Variants in LDLRAD4 observed in about 807,000 individuals in gnomAD.
LDLRAD4 encodes low density lipoprotein receptor class A domain containing 4.
A neutral mutation model predicts 17.0 loss-of-function variants in LDLRAD4; 5 were observed. The observed-to-expected ratio is 0.29, with a 90% CI of 0.15 to 0.62. LDLRAD4 has a LOEUF of 0.62. Among genes scored for constraint, LDLRAD4 ranks in the 20% least tolerant of loss-of-function variants. The pLI is 0.84. For synonymous variants in LDLRAD4, 168 were observed against 171.8 expected (o/e 0.98, Z 0.17); for missense variants, 340 against 424.7 (o/e 0.80, Z 1.75).
At chr18:13,644,821 G>C (rs948154540) in intron 5 of LDLRAD4, 9 of 348,116 alleles carry the variant, frequency 2.6e-5, no homozygotes, top group African/African-American at 1.5e-4. Flanking sequence ...TTTCCAAGGG[G>C]AAAATGCACA....
At chr18:13,262,561 A>G (rs1173078120) in intron 1 of LDLRAD4, among the ~76,000 whole-genome samples, 3 of 76,268 alleles carry the variant, frequency 3.9e-5, no homozygotes, top group Admixed American at 2.7e-4. Context: ...TGTGCGTGGA[A>G]ACTGAGTCCC....
chr18:13,429,798 C>G (rs547831997), intron 2 of LDLRAD4, among the ~76,000 whole-genome samples: 1 of 152,184 alleles, frequency 6.6e-6, no homozygotes, highest in African/African-American at 2.4e-5. Flanking sequence ...CCGCTTCTGC[C>G]GCAGGTCGCG....
At chr18:13,363,276 G>A (rs1438522038) in intron 1 of LDLRAD4, among the ~76,000 whole-genome samples, 1 of 147,184 alleles carries the variant, frequency 6.8e-6, no homozygotes, top group Admixed American at 7.1e-5. Context: ...AGCTTGCAGT[G>A]AGCCGAGATC....
At chr18:13,356,196 G>A (rs934185522) in intron 1 of LDLRAD4, among the ~76,000 whole-genome samples, 2 of 152,248 alleles carry the variant, frequency 1.3e-5, no homozygotes, top group African/African-American at 4.8e-5. Flanking sequence ...GGCTGCCTGA[G>A]AGTGCTGGGA....
At chr18:13,297,384 C>T (rs1461264792) in intron 1 of LDLRAD4, among the ~76,000 whole-genome samples, 8 of 152,298 alleles carry the variant, frequency 5.3e-5, no homozygotes, top group Admixed American at 4.6e-4. Context: ...ACTTAACCCT[C>T]ATTACCTACC....
rs2092838842 is a variant in LDLRAD4, at chr18:13,473,636, C to CAG, written c.181+35253_181+35254insGA. Among the ~76,000 whole-genome samples, 10 of 28,756 alleles carry CAG rather than the reference C, an allele frequency of 3.5e-4. No homozygotes were observed. The East Asian group carries it at 7.7e-3, about 22-fold the overall frequency. 18.9% of individuals were successfully genotyped at this position (28,756 alleles called of 152,430 possible). A position where few individuals can be genotyped will look rare whatever the true frequency, so the allele number is the denominator to read the frequency against. Reference sequence around the variant, plus strand: ...TGGGCAGCACAGTAAGATCCCATCTCATATATATATATATATATATATATA... The same window carrying CAG: ...TGGGCAGCACAGTAAGATCCCATCTCAGATATATATATATATATATATATATA... On this transcript the variant is annotated intron_variant, in intron 3 of 5. Coordinates refer to ENST00000359446, the Ensembl canonical transcript of LDLRAD4.
intron 3 of LDLRAD4, chr18:13,519,822 A>G (rs2093926165): frequency 6.6e-6 from 1 of 152,206 alleles, no homozygotes; most frequent in African/African-American, 2.4e-5. Flanking sequence ...TATCTCAGGT[A>G]AATACCCAAA....
intron 3 of LDLRAD4, chr18:13,472,012 T>A (rs983119828): frequency 4.6e-5 from 7 of 152,226 alleles, no homozygotes; most frequent in African/African-American, 9.6e-5. Context: ...GCAGAGAAAC[T>A]GCACTCTTAA....
intron 3 of LDLRAD4, chr18:13,514,746 G>A (rs1163101959): frequency 6.6e-6 from 1 of 152,256 alleles, no homozygotes; most frequent in East Asian, 1.9e-4. Context: ...ATGCAATGCA[G>A]CTTGATGAGC....
chr18:13,511,724 A>G (rs1174754948), intron 3 of LDLRAD4, among the ~76,000 whole-genome samples: 3 of 152,190 alleles, frequency 2.0e-5, no homozygotes, highest in African/African-American at 7.2e-5. Context: ...AGGCGGGGAC[A>G]TGGGTACAGG....
intron 1 of LDLRAD4, among the ~76,000 whole-genome samples, chr18:13,221,327 T>G (rs958688798): frequency 3.9e-5 from 6 of 152,228 alleles, no homozygotes; most frequent in Non-Finnish European, 7.3e-5. Context: ...TCTCTCCCTC[T>G]GTTCCTTCCT....
chr18:13,422,342 T>C (rs948545883), intron 2 of LDLRAD4, among the ~76,000 whole-genome samples: 1 of 152,172 alleles, frequency 6.6e-6, no homozygotes, highest in Non-Finnish European at 1.5e-5. Context: ...CTAGCCTAAA[T>C]AAGGCTTAGT....
At chr18:13,566,583 G>A (rs2094605344) in intron 3 of LDLRAD4, among the ~76,000 whole-genome samples, 2 of 152,028 alleles carry the variant, frequency 1.3e-5, no homozygotes, top group Non-Finnish European at 2.9e-5. Context: ...AGATGGTCTC[G>A]ATCTCTTGAC....
chr18:13,493,689 C>G (rs1014634009), intron 3 of LDLRAD4, among the ~76,000 whole-genome samples: 1 of 152,284 alleles, frequency 6.6e-6, no homozygotes, highest in African/African-American at 2.4e-5. Context: ...AGCAAGGAAC[C>G]AAGAGGGGTG....
intron 1 of LDLRAD4, among the ~76,000 whole-genome samples, chr18:13,266,048 T>C (rs1167040349): frequency 6.6e-6 from 1 of 152,188 alleles, no homozygotes; most frequent in Admixed American, 6.5e-5. Context: ...ATTCCTGGAC[T>C]CCACCCCAAG....
intron 3 of LDLRAD4, among the ~76,000 whole-genome samples, chr18:13,457,470 G>A (rs981869870): frequency 2.6e-5 from 4 of 152,204 alleles, no homozygotes; most frequent in African/African-American, 9.7e-5. Context: ...CCCCGCTGGT[G>A]GGGATGGGGC....
intron 3 of LDLRAD4, chr18:13,611,568 A>G (rs1392387621): frequency 3.0e-6 from 3 of 985,312 alleles, no homozygotes; most frequent in Non-Finnish European, 3.6e-6. Context: ...AAAATGAACC[A>G]GGAGAAAGCG....
chr18:13,234,831 A>G (rs1370096284), intron 1 of LDLRAD4: 7 of 152,164 alleles, frequency 4.6e-5, no homozygotes, highest in Non-Finnish European at 8.8e-5. Context: ...CAGGAGAAGC[A>G]ATTGTTTTTC....
At chr18:13,258,282 G>C (rs570904998) in intron 1 of LDLRAD4, among the ~76,000 whole-genome samples, 2 of 151,990 alleles carry the variant, frequency 1.3e-5, no homozygotes, top group Non-Finnish European at 2.9e-5. Flanking sequence ...CCATGCTTCC[G>C]TAGTATTTTG....
Sources: gnomAD v4.1 joint callset for allele counts (sites outside exome capture counted in the v4.1 genomes callset) on GRCh38, gnomAD v4.1.1 for gene constraint, MANE v1.5 for transcripts, NCBI Gene and HGNC (gene_info 2026-07-23, HGNC 2026-07-21) for gene names.